The following DMD variants were observed in gnomAD, a reference collection of about 807,000 sequenced individuals.
DMD encodes the protein mutant dystrophin.
DMD carries 63 observed loss-of-function variants against 330.1 expected under a neutral mutation model. The ratio of observed to expected loss-of-function variants is 0.19; its 90% confidence interval spans 0.16 to 0.24. DMD has a LOEUF of 0.24. Among genes scored for constraint, DMD ranks in the 10% least tolerant of loss-of-function variants. The pLI, the probability that DMD is intolerant of heterozygous loss-of-function variation, is 1.00. For synonymous variants in DMD, 1,223 were observed against 959.8 expected (o/e 1.27, Z -5.07); for missense variants, 3,344 against 2,684.1 (o/e 1.25, Z -5.43).
chrX:31,712,906 T>C (rs1490052322), intron 52 of DMD, among the ~76,000 whole-genome samples: 1 of 111,364 alleles, frequency 9.0e-6, no homozygotes, highest in East Asian at 2.8e-4. Flanking sequence ...GCTCAATATA[T>C]TAATCAATAC....
intron 7 of DMD, among the ~76,000 whole-genome samples, chrX:32,737,142 G>T (rs183105507): frequency 4.6e-5 from 5 of 109,826 alleles, no homozygotes; most frequent in South Asian, 3.9e-4. Flanking sequence ...ACAACAAAAG[G>T]GGGGGGACAT....
intron 41 of DMD, among the ~76,000 whole-genome samples, chrX:32,331,289 C>G (rs2097678184): frequency 9.0e-6 from 1 of 111,496 alleles, no homozygotes; most frequent in Non-Finnish European, 1.9e-5. Flanking sequence ...CCAAATAGTT[C>G]TATCAAATGT....
chrX:31,464,387 T>C (rs2066719005), intron 59 of DMD, among the ~76,000 whole-genome samples: 1 of 112,338 alleles, frequency 8.9e-6, no homozygotes, highest in Admixed American at 9.5e-5. Context: ...AAAGAACATG[T>C]TCCTTTTCCA....
intron 1 of DMD, among the ~76,000 whole-genome samples, chrX:33,034,558 T>G (rs2147877084): frequency 8.9e-6 from 1 of 112,471 alleles, no homozygotes; most frequent in South Asian, 3.7e-4. Flanking sequence ...GTTAATCATT[T>G]AATTATGTGG....
chrX:32,002,127 C>T (rs1360658555), intron 44 of DMD, among the ~76,000 whole-genome samples: 1 of 111,466 alleles, frequency 9.0e-6, no homozygotes, highest in Admixed American at 9.6e-5. Context: ...TTTGCACTAT[C>T]CTTTTACTTT....
chrX:31,225,551 G>C (rs748152839), intron 63 of DMD, among the ~76,000 whole-genome samples: 1 of 112,142 alleles, frequency 8.9e-6, no homozygotes, highest in Non-Finnish European at 1.9e-5. Context: ...TGGTTCACCG[G>C]ATTCTTAGTT....
chrX:31,190,286 G>A (rs1163704810), intron 67 of DMD, among the ~76,000 whole-genome samples: 8 of 111,286 alleles, frequency 7.2e-5, no homozygotes, highest in Non-Finnish European at 1.1e-4. Context: ...GTTTACATAA[G>A]CTGCTTGGAA....
At chrX:32,361,756 T>G in intron 37 of DMD, among the ~76,000 whole-genome samples, 1 of 111,793 alleles carries the variant, frequency 8.9e-6, no homozygotes, top group Non-Finnish European at 1.9e-5. Context: ...TTGAAAATGT[T>G]CTATTTTTCC....
intron 1 of DMD, among the ~76,000 whole-genome samples, chrX:33,271,602 A>G (rs2053155458): frequency 9.2e-6 from 1 of 109,096 alleles, no homozygotes; most frequent in Non-Finnish European, 1.9e-5. Flanking sequence ...CCTCGTCTCT[A>G]CTAAAAATAT....
chrX:32,620,479 C>G (rs1330033710), intron 11 of DMD, among the ~76,000 whole-genome samples: 2 of 112,221 alleles, frequency 1.8e-5, no homozygotes, highest in African/African-American at 6.5e-5. Context: ...ATTTTAGAGA[C>G]ACATTTACCA....
intron 50 of DMD, among the ~76,000 whole-genome samples, chrX:31,808,004 A>T (rs1288522429): frequency 1.8e-5 from 2 of 111,835 alleles, no homozygotes; most frequent in Non-Finnish European, 3.8e-5. Flanking sequence ...TACCTATTTC[A>T]TAAGGCTGCT....
chrX:32,710,167 T>C (rs2065058512), intron 7 of DMD, among the ~76,000 whole-genome samples: 1 of 110,978 alleles, frequency 9.0e-6, no homozygotes, highest in Admixed American at 9.6e-5. Flanking sequence ...TATTATGTTT[T>C]TTTTTCATTT....
intron 2 of DMD, among the ~76,000 whole-genome samples, chrX:32,913,092 T>G (rs935316969): frequency 2.7e-5 from 3 of 111,894 alleles, no homozygotes; most frequent in African/African-American, 9.7e-5. Flanking sequence ...GAGGGTTTAA[T>G]AATCATAGCA....
At chrX:32,757,505 T>C (rs981860361) in intron 7 of DMD, among the ~76,000 whole-genome samples, 3 of 111,555 alleles carry the variant, frequency 2.7e-5, no homozygotes, top group Non-Finnish European at 3.8e-5. Context: ...TCCCACCATG[T>C]CATGGGAGGG....
intron 12 of DMD, among the ~76,000 whole-genome samples, chrX:32,600,242 C>T (rs1307161636): frequency 9.0e-6 from 1 of 111,583 alleles, no homozygotes; most frequent in Non-Finnish European, 1.9e-5. Flanking sequence ...GCTATTTTAC[C>T]CTTTCTTAGA....
intron 1 of DMD, among the ~76,000 whole-genome samples, chrX:33,132,419 C>G (rs1401637666): frequency 9.0e-6 from 1 of 111,699 alleles, no homozygotes; most frequent in Non-Finnish European, 1.9e-5. Context: ...CCAGCCATCC[C>G]TGTGATCCTC....
In DMD at chrX:32,411,837, T is replaced by C. The variant is rs1297303010; in HGVS notation, c.4148A>G (p.Gln1383Arg). 2 of 1,209,337 alleles carry C rather than the reference T, an allele frequency of 1.7e-6. No individual in the cohort carries two copies. Among genetic ancestry groups the C allele is most frequent in the East Asian group, 3.0e-5 (1 of 33,684 alleles). ...QETEKSLHLI[Q>R]ESLTFIDKQL... ...CTTGTCAATGAATGTGAGGGACTCC[T>C]GGATTAAGTGTAAGGATTTTTCAGT... The change falls in exon 30 of 79, where the codon CAG (glutamine) becomes CGG (arginine). Residue 1383 changes from glutamine (Q) to arginine (R), a missense_variant. Coordinates refer to ENST00000357033, the MANE Select transcript of DMD (RefSeq NM_004006.3).
At chrX:32,581,456 A>G (rs2053646281) in intron 13 of DMD, among the ~76,000 whole-genome samples, 1 of 111,847 alleles carries the variant, frequency 8.9e-6, no homozygotes, top group African/African-American at 3.3e-5. Context: ...TTCAATTTCA[A>G]ACAATGGTAG....
chrX:32,240,399 C>A (rs1178079835), intron 43 of DMD, among the ~76,000 whole-genome samples: 1 of 111,221 alleles, frequency 9.0e-6, no homozygotes, highest in East Asian at 2.8e-4. Flanking sequence ...TCCCTTGGAC[C>A]TGCTGCCTTG....
Sources: gnomAD v4.1 joint callset for allele counts (sites outside exome capture counted in the v4.1 genomes callset) on GRCh38, gnomAD v4.1.1 for gene constraint, MANE v1.5 for transcripts, NCBI Gene and HGNC (gene_info 2026-07-23, HGNC 2026-07-21) for gene names.